The following IFT80 variants were observed in gnomAD, a reference collection of about 807,000 sequenced individuals.
IFT80 encodes the protein intraflagellar transport protein 80 homolog.
A neutral mutation model predicts 107.9 loss-of-function variants in IFT80; 79 were observed. That is an observed-to-expected ratio of 0.73 (90% confidence interval 0.61 to 0.88). The LOEUF is 0.88. Among genes scored for constraint, IFT80 ranks in the 40% least tolerant of loss-of-function variants. IFT80 has a pLI of 0.00. For missense variants in IFT80, 797 were observed against 914.2 expected, an observed-to-expected ratio of 0.87 and a Z score of 1.65; for synonymous variants, 299 against 300.9, an observed-to-expected ratio of 0.99 and a Z score of 0.07.
At chr3:160,374,792 A>G (rs1711869958) in intron 5 of IFT80, among the ~76,000 whole-genome samples, 3 of 152,240 alleles carry the variant, frequency 2.0e-5, no homozygotes, top group Non-Finnish European at 4.4e-5. Context: ...ATTTATTACT[A>G]AAGTAACAAT....
At chr3:160,267,147 C>CT (rs1329408489) in intron 19 of IFT80, among the ~76,000 whole-genome samples, 1 of 152,176 alleles carries the variant, frequency 6.6e-6, no homozygotes, top group Non-Finnish European at 1.5e-5. Flanking sequence ...CTGCTAAACT[C>CT]TAAGAATGGT....
intron 9 of IFT80, among the ~76,000 whole-genome samples, chr3:160,315,440 T>C (rs1717747225): frequency 6.6e-6 from 1 of 152,184 alleles, no homozygotes; most frequent in Non-Finnish European, 1.5e-5. Context: ...TGTGAGCATA[T>C]TGTAAGGGAA....
chr3:160,355,532 T>G (rs1721008348), intron 8 of IFT80, among the ~76,000 whole-genome samples: 1 of 152,128 alleles, frequency 6.6e-6, no homozygotes, highest in Non-Finnish European at 1.5e-5. Context: ...ATTACAGGCA[T>G]GAAACACCAC....
intron 8 of IFT80, among the ~76,000 whole-genome samples, chr3:160,341,341 A>G (rs1389806621): frequency 4.0e-5 from 4 of 101,038 alleles, no homozygotes; most frequent in East Asian, 2.1e-4. Flanking sequence ...ATTAACAATG[A>G]TTAAAAAAAA....
rs1256481351 is a variant in IFT80, at chr3:160,285,794, T to C, written c.1380+10A>G. The C allele has an allele frequency of 7.0e-6, 11 of 1,563,952 alleles. No homozygotes were observed. The highest frequency in any genetic ancestry group is 3.4e-5 in the South Asian group (3 of 88,898). ...GGCTATTTACATTAGAAGTAGTTAA[T>C]GTCCATTACCTTATGAGAAAGAAAC... On this transcript the variant is annotated intron_variant, in intron 13 of 19. Coordinates refer to ENST00000326448, the MANE Select transcript of IFT80 (RefSeq NM_020800.3).
chr3:160,321,561 C>T (rs1033955984), intron 8 of IFT80, among the ~76,000 whole-genome samples: 2 of 151,928 alleles, frequency 1.3e-5, no homozygotes, highest in Non-Finnish European at 2.9e-5. Context: ...AAAACCTATG[C>T]ATCCTATGTT....
chr3:160,358,393 C>T (rs536800428), intron 6 of IFT80, among the ~76,000 whole-genome samples: 4 of 152,108 alleles, frequency 2.6e-5, no homozygotes, highest in East Asian at 3.9e-4. Context: ...TCATATTCTT[C>T]TAAGTTTCAT....
rs1316971552 is a variant in IFT80 at position 160,381,672 on chromosome 3, T to C, written c.90A>G (p.Ser30=). The C allele has an allele frequency of 3.1e-6, 5 of 1,612,148 alleles. No individual in the cohort carries two copies. In the South Asian group the frequency reaches 3.3e-5, roughly 11 times the overall value. Residue 30 remains serine (S), a synonymous_variant, in exon 3 of 20, where the codon TCA becomes TCG. Coordinates refer to ENST00000326448, the MANE Select transcript of IFT80 (RefSeq NM_020800.3). ...VGWTTAEELY[S]CSDDHQIVKW... ...TCACTATCTGGTGATCATCACTACA[T>C]GAATACAGCTCTTCAGCAGTAGTCC...
Position 160,353,151 on chromosome 3 carries a change from G to A in IFT80, c.777+2862C>T, listed in dbSNP as rs568280014. Among the ~76,000 whole-genome samples the A allele has an allele frequency of 7.9e-5, 12 of 151,946 alleles. No homozygotes were observed. In the East Asian group the frequency reaches 1.2e-3, roughly 15 times the overall value. Reference sequence around the variant, plus strand: ...CTTTGTTTATTCTATTCCTTCTCTCGAATCACTGTTCCTTTCACCTCAAAG... The same window carrying A: ...CTTTGTTTATTCTATTCCTTCTCTCAAATCACTGTTCCTTTCACCTCAAAG... On this transcript the variant is annotated intron_variant, in intron 8 of 19. Transcript: ENST00000326448.
At chr3:160,351,683 TTAAG>T (rs979455733) in intron 8 of IFT80, among the ~76,000 whole-genome samples, 60 of 146,490 alleles carry the variant, frequency 4.1e-4, no homozygotes, top group African/African-American at 1.5e-3. Context: ...AAATAACACA[TTAAG>T]TAACTCATAA....
intron 1 of IFT80, among the ~76,000 whole-genome samples, chr3:160,392,165 G>C (rs1006609285): frequency 6.6e-6 from 1 of 152,152 alleles, no homozygotes; most frequent in African/African-American, 2.4e-5. Flanking sequence ...AGTTTAAGGA[G>C]GGAAAGGAAC....
At position 160,257,039 on chromosome 3, in the gene IFT80, T is replaced by C. The variant is rs533093540; in HGVS notation, c.*1486A>G. On this transcript the variant is annotated 3_prime_UTR_variant, in exon 20 of 20. Transcript: ENST00000326448. ...TGCATTTATTGTGGTAAAATATACA[T>C]AACATAAAACCTTTTAACCATTTAT... 1 of 152,108 alleles carries C rather than the reference T, an allele frequency of 6.6e-6. No individual in the cohort carries two copies. The highest frequency in any genetic ancestry group is 1.5e-5 in the Non-Finnish European group (1 of 68,008). 9.4% of individuals were successfully genotyped at this position (152,108 alleles called of 1,614,324 possible). A position where few individuals can be genotyped will look rare whatever the true frequency, so the allele number is the denominator to read the frequency against.
chr3:160,349,403 C>A (rs1314967795), intron 8 of IFT80, among the ~76,000 whole-genome samples: 2 of 151,566 alleles, frequency 1.3e-5, no homozygotes, highest in Non-Finnish European at 2.9e-5. Flanking sequence ...GAGCCGAGAT[C>A]GCTCCACTGC....
intron 14 of IFT80, among the ~76,000 whole-genome samples, chr3:160,281,654 C>A (rs1714699078): frequency 6.6e-6 from 1 of 152,178 alleles, no homozygotes; most frequent in African/African-American, 2.4e-5. Context: ...TGGGCTCACA[C>A]ATGACTAACA....
chr3:160,334,057 T>C (rs1290098788), intron 8 of IFT80, among the ~76,000 whole-genome samples: 1 of 152,186 alleles, frequency 6.6e-6, no homozygotes, highest in Admixed American at 6.5e-5. Flanking sequence ...ACCACTATCA[T>C]ATATGCAGTC....
rs1386473621 is a variant in IFT80, at chr3:160,323,169, G to C, written c.778-3230C>G. On this transcript the variant is annotated intron_variant, in intron 8 of 19. Transcript: ENST00000326448. ...TTCTTCTAGGGTTTTTATGGTTTTAGGTCTAACGTTTAAGTCTTTAATCCA... is the reference window on the plus strand; with the variant it reads ...TTCTTCTAGGGTTTTTATGGTTTTACGTCTAACGTTTAAGTCTTTAATCCA... Among the ~76,000 whole-genome samples, 3 of 148,972 alleles carry C rather than the reference G, an allele frequency of 2.0e-5. No homozygotes were observed. In the Admixed American group the frequency reaches 2.0e-4, roughly 10 times the overall value.
intron 8 of IFT80, among the ~76,000 whole-genome samples, chr3:160,336,675 AT>A (rs1176183141): frequency 6.6e-6 from 1 of 152,092 alleles, no homozygotes; most frequent in Non-Finnish European, 1.5e-5. Flanking sequence ...CTATATAGCT[AT>A]TGACAGTATG....
chr3:160,355,199 C>A (rs745508446), intron 8 of IFT80, among the ~76,000 whole-genome samples: 1 of 152,168 alleles, frequency 6.6e-6, no homozygotes, highest in Non-Finnish European at 1.5e-5. Flanking sequence ...AGGAAAAATT[C>A]TTGCATGTAT....
intron 1 of IFT80, among the ~76,000 whole-genome samples, chr3:160,393,981 T>G (rs924872980): frequency 2.6e-5 from 4 of 152,198 alleles, no homozygotes; most frequent in African/African-American, 9.7e-5. Context: ...GTACAGTTTT[T>G]ATCAACGGTC....
Sources: allele counts gnomAD v4.1 joint callset (sites outside exome capture counted in the v4.1 genomes callset), GRCh38; gene constraint gnomAD v4.1.1; transcripts MANE v1.5; gene names NCBI Gene and HGNC (gene_info 2026-07-23, HGNC 2026-07-21).